FAM110B: variants seen among roughly 807,000 people sequenced by gnomAD.
FAM110B encodes the protein protein FAM110B.
Under a neutral mutation model 20.4 loss-of-function variants are expected in FAM110B, and 6 were observed. That is an observed-to-expected ratio of 0.29 (90% CI 0.16 to 0.58). The LOEUF is 0.58. Among genes scored for constraint, FAM110B ranks in the 20% least tolerant of loss-of-function variants. The pLI, the probability that FAM110B is intolerant of heterozygous loss-of-function variation, is 0.90. For missense variants in FAM110B, 434 were observed against 498.2 expected (o/e 0.87, Z 1.23); for synonymous variants, 226 against 214.1 (o/e 1.06, Z -0.49).
intron 1 of FAM110B, among the ~76,000 whole-genome samples, chr8:58,009,857 AT>A (rs200132856): frequency 1.3e-5 from 2 of 151,350 alleles, no homozygotes; most frequent in African/African-American, 4.9e-5. Flanking sequence ...AACTGACCTC[AT>A]TTTTTTTTCT....
chr8:58,039,142 G>A (rs571125300), intron 2 of FAM110B, among the ~76,000 whole-genome samples: 2 of 152,196 alleles, frequency 1.3e-5, no homozygotes, highest in Admixed American at 1.3e-4. Flanking sequence ...GAGCCAGATC[G>A]CCGGGTGCCA....
chr8:58,040,806 TATG>T (rs1194586009), intron 2 of FAM110B, among the ~76,000 whole-genome samples: 3 of 152,220 alleles, frequency 2.0e-5, no homozygotes, highest in African/African-American at 7.2e-5. Context: ...AATGTCCACT[TATG>T]ATATTTCTTC....
At chr8:58,087,476 A>G (rs1301556361) in intron 3 of FAM110B, among the ~76,000 whole-genome samples, 1 of 152,236 alleles carries the variant, frequency 6.6e-6, no homozygotes, top group Non-Finnish European at 1.5e-5. Context: ...AGATGAGGCA[A>G]CAGAGCATCA....
At chr8:58,115,992 T>C (rs1161612809) in intron 3 of FAM110B, among the ~76,000 whole-genome samples, 1 of 152,180 alleles carries the variant, frequency 6.6e-6, no homozygotes, top group Non-Finnish European at 1.5e-5. Context: ...TAACAGGATA[T>C]TTGTAAACTC....
chr8:58,031,755 A>G (rs1804965551), intron 2 of FAM110B, 52 bp downstream of exon 2: 1 of 152,232 alleles, frequency 6.6e-6, no homozygotes, highest in Non-Finnish European at 1.5e-5. Context: ...CTGGTTATAA[A>G]GTAAATTTGA....
At chr8:58,059,520 C>A (rs532639594) in intron 2 of FAM110B, among the ~76,000 whole-genome samples, 24 of 151,748 alleles carry the variant, frequency 1.6e-4, no homozygotes, top group Non-Finnish European at 3.4e-4. Flanking sequence ...ATGCTGAGTA[C>A]TTTTTCATAT....
rs116960529 is a variant in FAM110B at position 58,076,005 on chromosome 8, A to T, written c.-325+382A>T. 4.4e-3 allele frequency among the ~76,000 whole-genome samples: 674 copies of T among 152,324 alleles called. 3 individuals carry two copies. Among genetic ancestry groups the T allele is most frequent in the Non-Finnish European group, 8.3e-3 (564 of 68,022 alleles). On this transcript the variant is annotated intron_variant, in intron 3 of 3. Transcript: ENST00000519262. ...ATGATGGGGTTTTGCCCTGTTGCCC[A>T]GGCTGGAGGGCAGTGGTGTGTTGCT...
At chr8:58,000,073 A>G (rs760880947) in intron 1 of FAM110B, among the ~76,000 whole-genome samples, 3 of 152,228 alleles carry the variant, frequency 2.0e-5, no homozygotes, top group Non-Finnish European at 2.9e-5. Flanking sequence ...TAAAACGAGT[A>G]TTTATTTTAA....
At chr8:58,073,555 A>G (rs1805955806) in intron 2 of FAM110B, among the ~76,000 whole-genome samples, 2 of 152,302 alleles carry the variant, frequency 1.3e-5, no homozygotes, top group South Asian at 2.1e-4. Context: ...AGGTTGTTGC[A>G]TGGAAATATG....
At chr8:58,005,558 G>A (rs1410185871) in intron 1 of FAM110B, among the ~76,000 whole-genome samples, 5 of 152,196 alleles carry the variant, frequency 3.3e-5, no homozygotes, top group African/African-American at 7.2e-5. Flanking sequence ...AAAGTGAAGT[G>A]CAGTAAAGCA....
chr8:58,084,960 G>C (rs1011199812), intron 3 of FAM110B, among the ~76,000 whole-genome samples: 9 of 152,118 alleles, frequency 5.9e-5, no homozygotes, highest in African/African-American at 2.2e-4. Flanking sequence ...TTTCCCTCTG[G>C]ACACTGTTTT....
intron 3 of FAM110B, among the ~76,000 whole-genome samples, chr8:58,143,370 C>G (rs1803783398): frequency 6.6e-6 from 1 of 152,080 alleles, no homozygotes; most frequent in African/African-American, 2.4e-5. Flanking sequence ...ATGGTCATGT[C>G]AAAACATCAT....
At chr8:58,067,242 G>C (rs1245080689) in intron 2 of FAM110B, among the ~76,000 whole-genome samples, 1 of 152,206 alleles carries the variant, frequency 6.6e-6, no homozygotes, top group Non-Finnish European at 1.5e-5. Flanking sequence ...CATGCAATGA[G>C]GCAGACGGTT....
rs1424147505 is a variant in FAM110B at position 58,147,617 on chromosome 8, AT to A, written c.*275del. On this transcript the variant is annotated 3_prime_UTR_variant, in exon 4 of 4. Transcript: ENST00000519262. ...GCAAAACTGTTTACATGAAAATGGT[AT>A]ACAACTTCTTCGATATTTATGTGGT... 99 of 442,098 alleles carry A rather than the reference AT, an allele frequency of 2.2e-4. No homozygotes were observed. Among genetic ancestry groups the A allele is most frequent in the African/African-American group, 1.7e-3 (88 of 50,512 alleles). 27.4% of individuals were successfully genotyped at this position (442,098 alleles called of 1,614,324 possible).
At chr8:58,103,157 G>GTATT (rs1176739900) in intron 3 of FAM110B, among the ~76,000 whole-genome samples, 3 of 152,092 alleles carry the variant, frequency 2.0e-5, no homozygotes, top group African/African-American at 4.8e-5. Context: ...AGAAGGGCAT[G>GTATT]TATTTCTTTC....
At chr8:58,132,575 C>T (rs1803502384) in intron 3 of FAM110B, among the ~76,000 whole-genome samples, 1 of 152,196 alleles carries the variant, frequency 6.6e-6, no homozygotes, top group Admixed American at 6.5e-5. Context: ...TTGAGACCCT[C>T]CATGTCTCTG....
intron 2 of FAM110B, among the ~76,000 whole-genome samples, chr8:58,074,710 G>A (rs1359552962): frequency 1.3e-5 from 2 of 152,180 alleles, no homozygotes; most frequent in Non-Finnish European, 2.9e-5. Flanking sequence ...GGGTGCTACA[G>A]TGCAGATGAA....
rs1806382361 is a variant in FAM110B at position 58,088,105 on chromosome 8, G to GA, written c.-325+12489dup. On this transcript the variant is annotated intron_variant, in intron 3 of 3. Coordinates refer to ENST00000519262, the MANE Select transcript of FAM110B (RefSeq NM_001377989.1). ...AAATGTTGCTAAAATGTAATTAAAA[G>GA]AAAAAAATTTATTTTGATAGTAGTT... is the stretch of plus-strand genomic sequence containing the variant. Among the ~76,000 whole-genome samples, 4 of 151,988 alleles carry GA rather than the reference G, an allele frequency of 2.6e-5. 1 individual carries two copies. In the South Asian group the frequency reaches 8.3e-4, roughly 32 times the overall value.
In FAM110B at chr8:58,001,792, G is replaced by T. The variant is rs147408152; in HGVS notation, c.-512+6986G>T. 2.2e-3 allele frequency among the ~76,000 whole-genome samples: 331 copies of T among 152,156 alleles called. 2 individuals are homozygous for T. The highest frequency in any genetic ancestry group is 7.5e-3 in the African/African-American group (312 of 41,512). ...TTTGGACTTTTCATTTTACCAGATG[G>T]TATTAATTATTCACATATACCTTGT... On this transcript the variant is annotated intron_variant, in intron 1 of 3. Transcript: ENST00000519262.
Sources: allele counts gnomAD v4.1 joint callset (sites outside exome capture counted in the v4.1 genomes callset), GRCh38; gene constraint gnomAD v4.1.1; transcripts MANE v1.5; gene names NCBI Gene and HGNC (gene_info 2026-07-23, HGNC 2026-07-21).